IMMP2L: variants seen among roughly 807,000 people sequenced by gnomAD.
The protein encoded by IMMP2L is inner mitochondrial membrane peptidase subunit 2, also known as mitochondrial inner membrane protease subunit 2.
In IMMP2L, 18 loss-of-function variants were observed where a neutral mutation model predicts 19.3. The ratio of observed to expected loss-of-function variants is 0.93; its 90% CI spans 0.64 to 1.38. The LOEUF is 1.38. Among genes scored for constraint, IMMP2L ranks in the 40% most tolerant of loss-of-function variants. The pLI is 0.00. For missense variants in IMMP2L, 233 were observed against 218.2 expected, an observed-to-expected ratio of 1.07 and a Z score of -0.43; for synonymous variants, 76 against 73.0, an observed-to-expected ratio of 1.04 and a Z score of -0.21.
At chr7:110,857,334 C>G (rs1250025522) in intron 5 of IMMP2L, among the ~76,000 whole-genome samples, 1 of 152,030 alleles carries the variant, frequency 6.6e-6, no homozygotes, top group Admixed American at 6.6e-5. Context: ...AATAAAAGTC[C>G]TACCAATTGT....
intron 1 of IMMP2L, among the ~76,000 whole-genome samples, chr7:111,561,139 T>A (rs1376847419): frequency 6.6e-6 from 1 of 152,152 alleles, no homozygotes; most frequent in South Asian, 2.1e-4. Flanking sequence ...AAAGAAGTGA[T>A]AGAAAAGTCC....
chr7:111,433,275 G>A (rs1033248934), intron 3 of IMMP2L, among the ~76,000 whole-genome samples: 12 of 151,752 alleles, frequency 7.9e-5, no homozygotes, highest in African/African-American at 2.9e-4. Flanking sequence ...GTATTAGTCC[G>A]TTTTCACACT....
intron 3 of IMMP2L, among the ~76,000 whole-genome samples, chr7:111,106,777 G>A (rs1207223521): frequency 6.7e-6 from 1 of 150,006 alleles, no homozygotes; most frequent in Non-Finnish European, 1.5e-5. Flanking sequence ...GACTTCTGCT[G>A]TACCATTTAA....
intron 3 of IMMP2L, among the ~76,000 whole-genome samples, chr7:111,092,506 T>A (rs214892): frequency 0.82 from 124,696 of 152,106 alleles, 51,357 homozygotes; most frequent in East Asian, 0.89. Flanking sequence ...GAAAAGGGGA[T>A]AATGTGAAAA....
At chr7:111,038,784 A>C (rs73201050) in intron 3 of IMMP2L, among the ~76,000 whole-genome samples, 6 of 152,348 alleles carry the variant, frequency 3.9e-5, no homozygotes, top group Non-Finnish European at 7.3e-5. Context: ...ATAGTTAAAA[A>C]TTAAAGGGGA....
At chr7:111,345,274 T>A (rs117860862) in intron 3 of IMMP2L, among the ~76,000 whole-genome samples, 164 of 152,240 alleles carry the variant, frequency 1.1e-3, no homozygotes, top group Middle Eastern at 3.4e-3. Context: ...TACATCAAAC[T>A]ATTTTAGTTG....
intron 3 of IMMP2L, among the ~76,000 whole-genome samples, chr7:111,110,524 T>G (rs1799079188): frequency 6.6e-6 from 1 of 152,158 alleles, no homozygotes; most frequent in African/African-American, 2.4e-5. Flanking sequence ...GTTTTATTCG[T>G]TTTTCAGTTT....
chr7:110,883,422 G>T (rs1265488006), intron 5 of IMMP2L, among the ~76,000 whole-genome samples: 2 of 152,012 alleles, frequency 1.3e-5, no homozygotes, highest in African/African-American at 4.8e-5. Context: ...ATCTAATAAG[G>T]TATCAATGAA....
chr7:110,906,399 A>T (rs1812451578), intron 4 of IMMP2L, among the ~76,000 whole-genome samples: 1 of 152,214 alleles, frequency 6.6e-6, no homozygotes, highest in Non-Finnish European at 1.5e-5. Flanking sequence ...TGCTTGAATT[A>T]GTCAAGCTGG....
chr7:110,948,285 G>T (rs1817458440), intron 4 of IMMP2L, among the ~76,000 whole-genome samples: 1 of 152,044 alleles, frequency 6.6e-6, no homozygotes, highest in African/African-American at 2.4e-5. Context: ...TTTAAATATG[G>T]AAATAATTAC....
intron 3 of IMMP2L, among the ~76,000 whole-genome samples, chr7:111,414,661 A>G (rs1327613625): frequency 6.6e-6 from 1 of 151,780 alleles, no homozygotes; most frequent in Non-Finnish European, 1.5e-5. Flanking sequence ...TAATGTATAG[A>G]CTTTAGTTAA....
At position 111,072,846 on chromosome 7, in the gene IMMP2L, C is replaced by A. The variant is rs551715743; in HGVS notation, c.240-109281G>T. On this transcript the variant is annotated intron_variant, in intron 3 of 5. Transcript: ENST00000405709. ...GGAGGCGGAGCAGCGGAGCTTGCAG[C>A]GAGCCAAGATTGCACCACTGCATTC... 4.0e-5 allele frequency among the ~76,000 whole-genome samples: 6 copies of A among 148,254 alleles called. No homozygotes were observed. In the Admixed American group the frequency reaches 4.1e-4, roughly 10 times the overall value.
intron 4 of IMMP2L, among the ~76,000 whole-genome samples, chr7:110,948,813 GT>G (rs1398631024): frequency 6.6e-6 from 1 of 152,186 alleles, no homozygotes; most frequent in Non-Finnish European, 1.5e-5. Flanking sequence ...CTTTGAGTCA[GT>G]GAACTAAGTG....
chr7:110,963,453 C>G (rs1328792824), intron 4 of IMMP2L, 47 bp downstream of exon 4: 1 of 1,323,776 alleles, frequency 7.6e-7, no homozygotes, highest in South Asian at 1.2e-5. Context: ...GGTAACAGAA[C>G]TCTAGATATT....
intron 4 of IMMP2L, among the ~76,000 whole-genome samples, chr7:110,930,161 T>A (rs911716843): frequency 6.6e-6 from 1 of 152,166 alleles, no homozygotes; most frequent in Non-Finnish European, 1.5e-5. Context: ...ACAATGAAAC[T>A]TCATTATTCT....
At chr7:111,160,046 T>C (rs1331384490) in intron 3 of IMMP2L, among the ~76,000 whole-genome samples, 7 of 152,084 alleles carry the variant, frequency 4.6e-5, no homozygotes, top group African/African-American at 1.7e-4. Flanking sequence ...AAGGGTATTT[T>C]AGTACTAGTT....
intron 5 of IMMP2L, among the ~76,000 whole-genome samples, chr7:110,737,508 C>A (rs150543213): frequency 6.6e-6 from 1 of 152,144 alleles, no homozygotes; most frequent in Non-Finnish European, 1.5e-5. Flanking sequence ...CCACAGCAGT[C>A]GCAGCAAGCC....
intron 3 of IMMP2L, among the ~76,000 whole-genome samples, chr7:111,171,323 A>T (rs1215348632): frequency 6.6e-6 from 1 of 151,698 alleles, no homozygotes; most frequent in African/African-American, 2.4e-5. Context: ...CTACATTGAA[A>T]TTATTAGAAA....
At chr7:111,226,641 A>C (rs1038600386) in intron 3 of IMMP2L, among the ~76,000 whole-genome samples, 1 of 152,134 alleles carries the variant, frequency 6.6e-6, no homozygotes, top group Non-Finnish European at 1.5e-5. Flanking sequence ...GGGGGAGACA[A>C]TGTAAAATTT....
Sources: allele counts gnomAD v4.1 joint callset (sites outside exome capture counted in the v4.1 genomes callset), GRCh38; gene constraint gnomAD v4.1.1; transcripts MANE v1.5; gene names NCBI Gene and HGNC (gene_info 2026-07-23, HGNC 2026-07-21).